Variants in RGS17 observed in about 807,000 individuals in gnomAD.
RGS17 encodes regulator of G-protein signaling 17.
In RGS17, 12 loss-of-function variants were observed where a neutral mutation model predicts 25.5. The observed-to-expected ratio is 0.47, with a 90% confidence interval of 0.30 to 0.76. RGS17 has a LOEUF of 0.76. RGS17 is among the 30% of genes least tolerant of loss of function. RGS17 has a pLI of 0.07. For synonymous variants in RGS17, 71 were observed against 76.9 expected (o/e 0.92, Z 0.40); for missense variants, 196 against 242.2 (o/e 0.81, Z 1.27).
chr6:153,072,402 G>A (rs1329762654), intron 1 of RGS17, among the ~76,000 whole-genome samples: 4 of 152,158 alleles, frequency 2.6e-5, no homozygotes, highest in East Asian at 3.8e-4. Context: ...TGGGATGCAC[G>A]TAGCTCTTCT....
rs1189083558 is a variant in RGS17 at position 153,010,161 on chromosome 6, A to G, written c.*1413T>C. ...TTTTAGGTTACTCAGTATTATATTC[A>G]TTCAGTTTAATATTAAAAAAATAGT... On this transcript the variant is annotated 3_prime_UTR_variant, in exon 5 of 5. Transcript: ENST00000206262. 1 of 151,930 alleles carries G rather than the reference A, an allele frequency of 6.6e-6. No individual in the cohort carries two copies. The highest frequency in any genetic ancestry group is 2.4e-5 in the African/African-American group (1 of 41,428). The allele number at this position is 151,930 out of a possible 1,614,324, so 9.4% of individuals were successfully genotyped here.
At chr6:153,037,191 C>G (rs1028468873) in intron 2 of RGS17, among the ~76,000 whole-genome samples, 27 of 115,092 alleles carry the variant, frequency 2.3e-4, no homozygotes, top group East Asian at 7.7e-4. Context: ...CACACACACA[C>G]ACACACACAG....
rs530954761 is a variant in RGS17, at chr6:153,063,705, A to G, written c.-25-19662T>C. Among the ~76,000 whole-genome samples, 5 of 152,322 alleles carry G rather than the reference A, an allele frequency of 3.3e-5. No individual in the cohort carries two copies. In the East Asian group the frequency reaches 9.7e-4, roughly 29 times the overall value. On this transcript the variant is annotated intron_variant, in intron 1 of 4. Transcript: ENST00000206262. ...AACAGAGAACTTCCCAAACCTAGAGAAAGATATCAATATCCAATTACAAGA... is the reference window on the plus strand; with the variant it reads ...AACAGAGAACTTCCCAAACCTAGAGGAAGATATCAATATCCAATTACAAGA...
At chr6:153,041,097 G>A (rs905789932) in intron 2 of RGS17, among the ~76,000 whole-genome samples, 2 of 152,110 alleles carry the variant, frequency 1.3e-5, no homozygotes, top group African/African-American at 2.4e-5. Context: ...CCCAGGAGTT[G>A]GAGCTTACAG....
chr6:153,115,779 A>G (rs1324557347), intron 1 of RGS17, among the ~76,000 whole-genome samples: 1 of 152,174 alleles, frequency 6.6e-6, no homozygotes, highest in East Asian at 1.9e-4. Flanking sequence ...CACATCTACA[A>G]TCATCTGATC....
chr6:153,065,155 T>C (rs1207098400), intron 1 of RGS17, among the ~76,000 whole-genome samples: 2 of 152,166 alleles, frequency 1.3e-5, no homozygotes, highest in African/African-American at 4.8e-5. Context: ...GTAGCTACAC[T>C]TATATCAGTC....
At chr6:153,063,235 A>G (rs549230889) in intron 1 of RGS17, among the ~76,000 whole-genome samples, 35 of 152,304 alleles carry the variant, frequency 2.3e-4, no homozygotes, top group African/African-American at 7.5e-4. Context: ...TGAACTAAAT[A>G]AGCCACCAAG....
chr6:153,054,333 G>A (rs4527723), intron 1 of RGS17, among the ~76,000 whole-genome samples: 57,718 of 150,156 alleles, frequency 0.38, 11,782 homozygotes, highest in East Asian at 0.62. Context: ...CACTGTAGAG[G>A]GGTTCAAATA....
intron 1 of RGS17, among the ~76,000 whole-genome samples, chr6:153,078,455 T>C (rs1776919330): frequency 6.6e-6 from 1 of 152,118 alleles, no homozygotes. Context: ...TGCTGTTTTA[T>C]TGTTTTTTCA....
chr6:153,067,541 A>G (rs1449401272), intron 1 of RGS17, among the ~76,000 whole-genome samples: 1 of 152,186 alleles, frequency 6.6e-6, no homozygotes, highest in Non-Finnish European at 1.5e-5. Flanking sequence ...AGAAACCAAA[A>G]AAAGTAATCC....
chr6:153,083,144 T>C (rs999096324), intron 1 of RGS17, among the ~76,000 whole-genome samples: 1 of 152,176 alleles, frequency 6.6e-6, no homozygotes, highest in Admixed American at 6.6e-5. Flanking sequence ...CTGAAGTTCT[T>C]TATCTGAAAA....
chr6:153,063,652 G>A lies in RGS17; in HGVS notation c.-25-19609C>T, dbSNP rs199503996. Among the ~76,000 whole-genome samples, 9 of 152,272 alleles carry A rather than the reference G, an allele frequency of 5.9e-5. No individual in the cohort carries two copies. The East Asian group carries it at 1.5e-3, about 26-fold the overall frequency. On this transcript the variant is annotated intron_variant, in intron 1 of 4. Coordinates refer to ENST00000206262, the MANE Select transcript of RGS17 (RefSeq NM_012419.5). Reference sequence around the variant, plus strand: ...GCCTTAGAGAGAAGGTAGAGAAAGAGAAGGGTAGAAAGTTTATTCAAAGGG... The same window carrying A: ...GCCTTAGAGAGAAGGTAGAGAAAGAAAAGGGTAGAAAGTTTATTCAAAGGG...
intron 1 of RGS17, among the ~76,000 whole-genome samples, chr6:153,044,697 G>C (rs1176925941): frequency 3.3e-5 from 5 of 152,144 alleles, no homozygotes; most frequent in Non-Finnish European, 7.3e-5. Flanking sequence ...ATTTAACGGA[G>C]AGTTGGGGGA....
intron 2 of RGS17, among the ~76,000 whole-genome samples, chr6:153,036,023 CTCTCAAT>C (rs1776234790): frequency 6.6e-6 from 1 of 152,088 alleles, no homozygotes; most frequent in African/African-American, 2.4e-5. Flanking sequence ...CTTTGTGAAA[CTCTCAAT>C]TCTCTTGGCT....
intron 1 of RGS17, among the ~76,000 whole-genome samples, chr6:153,056,838 CTGTGTGTGTGTGTGTG>C (rs59058708): frequency 0.2 from 28,250 of 144,440 alleles, 2,830 homozygotes; most frequent in Admixed American, 0.25. Context: ...AGAGGAAGGG[CTGTGTGTGTGTGTGTG>C]TGTGTGTGTG....
At chr6:153,038,091 C>G (rs1050963925) in intron 2 of RGS17, among the ~76,000 whole-genome samples, 1 of 152,196 alleles carries the variant, frequency 6.6e-6, no homozygotes. Context: ...TAGAGTGAGT[C>G]AGCTTTGGCT....
At chr6:153,041,705 C>T (rs891946286) in intron 2 of RGS17, among the ~76,000 whole-genome samples, 3 of 152,190 alleles carry the variant, frequency 2.0e-5, no homozygotes, top group Non-Finnish European at 4.4e-5. Context: ...CACTAGAAGT[C>T]TATTCCTCAA....
intron 2 of RGS17, among the ~76,000 whole-genome samples, chr6:153,036,735 C>T (rs983469818): frequency 3.3e-5 from 5 of 152,190 alleles, no homozygotes; most frequent in Non-Finnish European, 5.9e-5. Context: ...AGTCATCCTT[C>T]TCTTTCTTGT....
intron 1 of RGS17, among the ~76,000 whole-genome samples, chr6:153,106,452 G>A (rs964830619): frequency 6.6e-6 from 1 of 151,398 alleles, no homozygotes; most frequent in Non-Finnish European, 1.5e-5. Flanking sequence ...GCAAGCAGGA[G>A]AGGGTAGAAG....
Sources: allele counts gnomAD v4.1 joint callset (sites outside exome capture counted in the v4.1 genomes callset), GRCh38; gene constraint gnomAD v4.1.1; transcripts MANE v1.5; gene names NCBI Gene and HGNC (gene_info 2026-07-23, HGNC 2026-07-21).